CACNB4: variants seen among roughly 807,000 people sequenced by gnomAD.
CACNB4 encodes the protein voltage-dependent L-type calcium channel subunit beta-4.
A neutral mutation model predicts 71.2 loss-of-function variants in CACNB4; 32 were observed. The ratio of observed to expected loss-of-function variants is 0.45; its 90% CI spans 0.34 to 0.60. The LOEUF (loss-of-function observed/expected upper bound fraction) is 0.60. Among genes scored for constraint, CACNB4 ranks in the 20% least tolerant of loss-of-function variants. The probability of loss-of-function intolerance (pLI) is 0.01; values close to 1 mark genes in which losing one functional copy is unlikely to be tolerated. For synonymous variants in CACNB4, 231 were observed against 236.9 expected (o/e 0.97, Z 0.23); for missense variants, 464 against 647.9 (o/e 0.72, Z 3.08).
intron 2 of CACNB4, among the ~76,000 whole-genome samples, chr2:151,937,833 G>A (rs1157395100): frequency 6.6e-6 from 1 of 152,164 alleles, no homozygotes; most frequent in Non-Finnish European, 1.5e-5. Context: ...AGGTTAGAGG[G>A]CACTTTAGAG....
At chr2:151,840,824 T>C (rs549949250) in intron 13 of CACNB4, among the ~76,000 whole-genome samples, 2 of 152,332 alleles carry the variant, frequency 1.3e-5, no homozygotes, top group South Asian at 4.1e-4. Context: ...CTCATCATGA[T>C]ACAAGAGGGC....
At chr2:151,871,132 A>G (rs2099844512) in intron 6 of CACNB4, 8 of 479,624 alleles carry the variant, frequency 1.7e-5, no homozygotes, top group Non-Finnish European at 3.0e-5. Context: ...GTTGAGAGCA[A>G]CACTGGAAGT....
intron 4 of CACNB4, among the ~76,000 whole-genome samples, chr2:151,878,550 TACAC>T (rs60040188): frequency 3.1e-5 from 4 of 129,962 alleles, no homozygotes; most frequent in African/African-American, 5.7e-5. Context: ...AGACCCTGTC[TACAC>T]ACACACACAC....
At chr2:152,077,291 A>G (rs1239948180) in intron 2 of CACNB4, among the ~76,000 whole-genome samples, 1 of 152,230 alleles carries the variant, frequency 6.6e-6, no homozygotes, top group Non-Finnish European at 1.5e-5. Flanking sequence ...ACGGTGGCTC[A>G]TGCCCGTAAT....
chr2:152,098,885 G>C lies in CACNB4; in HGVS notation c.63+64C>G, dbSNP rs1474987371. ...CCGGCACGAAGGCGGGGCGCGCTAG[G>C]GCGGCGGAGGAGGTGTGAGGAAGGA... On this transcript the variant is annotated intron_variant, in intron 1 of 13. Coordinates refer to ENST00000539935, the MANE Select transcript of CACNB4 (RefSeq NM_000726.5). This position sits in a 1 kb window ranked among gnomAD's most constrained non-coding sequence, Gnocchi z 5.3. The C allele has an allele frequency of 8.0e-7, 1 of 1,256,434 alleles. No homozygotes were observed. The highest frequency in any genetic ancestry group is 1.1e-6 in the Non-Finnish European group (1 of 921,150). The allele number at this position is 1,256,434 out of a possible 1,614,324, so 77.8% of individuals were successfully genotyped here.
At chr2:152,014,394 C>A (rs1683228045) in intron 2 of CACNB4, among the ~76,000 whole-genome samples, 1 of 151,662 alleles carries the variant, frequency 6.6e-6, no homozygotes, top group African/African-American at 2.4e-5. Flanking sequence ...AGGCCTCTTT[C>A]TAAAGCTTTC....
intron 2 of CACNB4, among the ~76,000 whole-genome samples, chr2:152,012,675 C>T (rs1166434638): frequency 6.6e-6 from 1 of 150,694 alleles, no homozygotes; most frequent in Non-Finnish European, 1.5e-5. Flanking sequence ...TATATTTACA[C>T]AGAAGTATAA....
intron 2 of CACNB4, among the ~76,000 whole-genome samples, chr2:152,069,789 T>C (rs1177360090): frequency 1.3e-5 from 2 of 151,230 alleles, no homozygotes; most frequent in Non-Finnish European, 2.9e-5. Flanking sequence ...GGACAGAAAA[T>C]ATTCTCCTTT....
intron 2 of CACNB4, among the ~76,000 whole-genome samples, chr2:152,045,431 A>G (rs1013713627): frequency 4.6e-5 from 7 of 152,204 alleles, no homozygotes; most frequent in African/African-American, 1.7e-4. Flanking sequence ...CAAAAGGACA[A>G]ATATTGTGTG....
chr2:151,888,389 C>A (rs2099849899), intron 2 of CACNB4, among the ~76,000 whole-genome samples: 1 of 151,582 alleles, frequency 6.6e-6, no homozygotes, highest in Non-Finnish European at 1.5e-5. Context: ...TAGTAAGGCC[C>A]CATATCTACA....
At chr2:152,005,781 G>A (rs1415008880) in intron 2 of CACNB4, among the ~76,000 whole-genome samples, 2 of 152,218 alleles carry the variant, frequency 1.3e-5, no homozygotes, top group Admixed American at 1.3e-4. Context: ...CCACCACTGT[G>A]TCCCAGATTT....
intron 2 of CACNB4, among the ~76,000 whole-genome samples, chr2:152,031,403 C>T (rs1050987622): frequency 1.3e-5 from 2 of 152,218 alleles, no homozygotes; most frequent in Non-Finnish European, 2.9e-5. Flanking sequence ...GGAGGACCTT[C>T]CAGAAACTGG....
At chr2:152,094,344 ACT>A (rs1688147819) in intron 2 of CACNB4, among the ~76,000 whole-genome samples, 1 of 152,204 alleles carries the variant, frequency 6.6e-6, no homozygotes, top group Non-Finnish European at 1.5e-5. Context: ...GTGTGTTCAA[ACT>A]CTGTGTCCAG....
At chr2:152,029,671 C>T (rs1299555494) in intron 2 of CACNB4, among the ~76,000 whole-genome samples, 1 of 151,962 alleles carries the variant, frequency 6.6e-6, no homozygotes, top group Non-Finnish European at 1.5e-5. Flanking sequence ...AATCCTAACC[C>T]CCACGGTGAT....
At chr2:151,924,951 T>C (rs147902105) in intron 2 of CACNB4, among the ~76,000 whole-genome samples, 32 of 152,328 alleles carry the variant, frequency 2.1e-4, no homozygotes, top group African/African-American at 7.0e-4. Context: ...TTCTGACCTA[T>C]TTAAACAGAG....
Position 152,001,255 on chromosome 2 carries a change from G to A in CACNB4, c.147+97075C>T, listed in dbSNP as rs537956976. Among the ~76,000 whole-genome samples, 9 of 152,190 alleles carry A rather than the reference G, an allele frequency of 5.9e-5. No homozygotes were observed. The South Asian group carries it at 1.9e-3, about 32-fold the overall frequency. On this transcript the variant is annotated intron_variant, in intron 2 of 13. Coordinates refer to ENST00000539935, the MANE Select transcript of CACNB4 (RefSeq NM_000726.5). ...GCCTGGCCAAAGGCTGAGTGCCAAG[G>A]GGTGGTGGAAGGAGAGGGCAGCAAG...
chr2:151,834,964 G>C lies in CACNB4; in HGVS notation c.*4155C>G, dbSNP rs2099834588. 1 of 151,706 alleles carries C rather than the reference G, an allele frequency of 6.6e-6. No homozygotes were observed. The highest frequency in any genetic ancestry group is 2.4e-5 in the African/African-American group (1 of 41,348). 9.4% of individuals were successfully genotyped at this position (151,706 alleles called of 1,614,324 possible). On this transcript the variant is annotated 3_prime_UTR_variant, in exon 14 of 14. Transcript: ENST00000539935. ...AGGCAGAAATGTAAAAGGAATAAGG[G>C]GTACATAGCATTTATTTGAAACATT...
At chr2:152,019,927 G>A (rs1683562422) in intron 2 of CACNB4, among the ~76,000 whole-genome samples, 1 of 152,190 alleles carries the variant, frequency 6.6e-6, no homozygotes, top group Non-Finnish European at 1.5e-5. Context: ...GCCAAAAGAG[G>A]AAGAGGAATC....
intron 2 of CACNB4, among the ~76,000 whole-genome samples, chr2:151,918,815 A>C (rs1002778348): frequency 1.3e-5 from 2 of 152,258 alleles, no homozygotes; most frequent in Non-Finnish European, 2.9e-5. Context: ...GAACTGACAA[A>C]GGCAGCACAT....
Sources: allele counts gnomAD v4.1 joint callset (sites outside exome capture counted in the v4.1 genomes callset), GRCh38; gene constraint gnomAD v4.1.1; non-coding constraint Gnocchi (gnomAD v3.1); transcripts MANE v1.5; gene names NCBI Gene and HGNC (gene_info 2026-07-23, HGNC 2026-07-21).